The following DTL variants were observed in gnomAD, a reference collection of about 807,000 sequenced individuals.
The protein encoded by DTL is denticleless E3 ubiquitin protein ligase adapter.
A neutral mutation model predicts 87.0 loss-of-function variants in DTL; 46 were observed. The ratio of observed to expected loss-of-function variants is 0.53; its 90% confidence interval spans 0.42 to 0.68. DTL has a LOEUF of 0.68. Ranked by LOEUF, DTL falls within the 30% of genes least tolerant of loss-of-function variation. DTL has a pLI of 0.00. For missense variants in DTL, 737 were observed against 869.4 expected, an observed-to-expected ratio of 0.85 and a Z score of 1.91; for synonymous variants, 308 against 311.2, an observed-to-expected ratio of 0.99 and a Z score of 0.11.
chr1:212,095,306 A>G (rs920006724), intron 13 of DTL, among the ~76,000 whole-genome samples: 19 of 152,050 alleles, frequency 1.2e-4, no homozygotes, highest in African/African-American at 3.6e-4. Flanking sequence ...TCATAAAGGG[A>G]TGCTGGATTT....
At chr1:212,044,175 G>A (rs751579865) in intron 2 of DTL, among the ~76,000 whole-genome samples, 2 of 152,192 alleles carry the variant, frequency 1.3e-5, no homozygotes, top group Admixed American at 6.5e-5. Context: ...GACTCAGCCT[G>A]CTGGCAGCCT....
At chr1:212,069,142 G>A (rs111551046) in intron 10 of DTL, among the ~76,000 whole-genome samples, 3 of 150,936 alleles carry the variant, frequency 2.0e-5, no homozygotes, top group African/African-American at 7.3e-5. Context: ...ATTTCTAGAT[G>A]TTTTCCCCAG....
At chr1:212,095,320 CA>C (rs1655412641) in intron 13 of DTL, among the ~76,000 whole-genome samples, 1 of 152,078 alleles carries the variant, frequency 6.6e-6, no homozygotes, top group African/African-American at 2.4e-5. Context: ...TGGATTTTGT[CA>C]GACGTTTTTT....
At chr1:212,078,997 G>A (rs1262529294) in intron 12 of DTL, among the ~76,000 whole-genome samples, 2 of 151,958 alleles carry the variant, frequency 1.3e-5, no homozygotes, top group South Asian at 2.1e-4. Context: ...CACGTATGAC[G>A]TTTTGAGGTT....
At position 212,076,340 on chromosome 1, in the gene DTL, G is replaced by A. The variant is rs17018452; in HGVS notation, c.1036-1833G>A. On this transcript the variant is annotated intron_variant, in intron 11 of 14. Coordinates refer to ENST00000366991, the MANE Select transcript of DTL (RefSeq NM_016448.4). ...GTGCCTGGCTTAGACTTTTACTGTC[G>A]TCATTGATACCTTGTTAACGTATTC... 9.7e-3 allele frequency among the ~76,000 whole-genome samples: 1,469 copies of A among 152,140 alleles called. 30 individuals are homozygous for A. Among genetic ancestry groups the A allele is most frequent in the African/African-American group, 0.033 (1,374 of 41,512 alleles).
chr1:212,046,725 A>G (rs984108855), intron 3 of DTL, among the ~76,000 whole-genome samples: 4 of 152,154 alleles, frequency 2.6e-5, no homozygotes, highest in Non-Finnish European at 4.4e-5. Context: ...TGTCTTTGCC[A>G]TTGTGAATAA....
At chr1:212,084,405 C>T (rs1167668741) in intron 13 of DTL, among the ~76,000 whole-genome samples, 2 of 151,770 alleles carry the variant, frequency 1.3e-5, no homozygotes, top group Admixed American at 6.6e-5. Context: ...AGGCTGGTCT[C>T]GAACTCCTGA....
chr1:212,053,317 G>T (rs571989532), intron 5 of DTL, among the ~76,000 whole-genome samples: 2 of 152,044 alleles, frequency 1.3e-5, no homozygotes, highest in African/African-American at 4.8e-5. Context: ...GCCCAGATTA[G>T]AGGGCAGTAG....
chr1:212,083,010 G>A (rs959915656), intron 13 of DTL, among the ~76,000 whole-genome samples: 2 of 152,160 alleles, frequency 1.3e-5, no homozygotes, highest in Non-Finnish European at 2.9e-5. Context: ...GATGCAAAGA[G>A]GATGATTATG....
At chr1:212,038,919 T>G (rs1667561995) in intron 1 of DTL, among the ~76,000 whole-genome samples, 1 of 152,246 alleles carries the variant, frequency 6.6e-6, no homozygotes, top group Admixed American at 6.5e-5. Context: ...ACTATAGTGA[T>G]TTGATAATCA....
At chr1:212,058,595 G>A (rs574668117) in intron 5 of DTL, among the ~76,000 whole-genome samples, 37 of 151,958 alleles carry the variant, frequency 2.4e-4, no homozygotes, top group African/African-American at 8.9e-4. Context: ...TACCAAAAAA[G>A]TAGAAAGACT....
intron 7 of DTL, 78 bp from the exon 8 acceptor site, chr1:212,066,734 T>G: frequency 7.1e-7 from 1 of 1,410,016 alleles, no homozygotes; most frequent in South Asian, 1.2e-5. Flanking sequence ...AGAAAAGTCG[T>G]TTTTTAGCAC....
intron 1 of DTL, among the ~76,000 whole-genome samples, chr1:212,042,325 G>T (rs1263177677): frequency 6.6e-6 from 1 of 152,080 alleles, no homozygotes; most frequent in African/African-American, 2.4e-5. Flanking sequence ...TAAATTCAGT[G>T]AAAATTTACC....
intron 13 of DTL, 86 bp from the exon 14 acceptor site, chr1:212,100,166 G>A (rs1039590900): frequency 1.0e-4 from 104 of 1,014,230 alleles, no homozygotes; most frequent in Admixed American, 2.3e-4. Context: ...TAGATGATTA[G>A]GTTAGCTATG....
chr1:212,041,209 G>C (rs1432947306), intron 1 of DTL, among the ~76,000 whole-genome samples: 1 of 152,090 alleles, frequency 6.6e-6, no homozygotes, highest in Non-Finnish European at 1.5e-5. Context: ...TAAGTAGAGG[G>C]GTAGGCAAGG....
In DTL at chr1:212,104,186, C is replaced by G. The variant is rs1229189654; in HGVS notation, c.*1246C>G. On this transcript the variant is annotated 3_prime_UTR_variant, in exon 15 of 15. Transcript: ENST00000366991. Reference sequence around the variant, plus strand: ...TTACATACTTTCTATGTACTATTTACTTAGAAGGGAGCCCCCTTCCAGTCA... The same window carrying G: ...TTACATACTTTCTATGTACTATTTAGTTAGAAGGGAGCCCCCTTCCAGTCA... 4 of 151,868 alleles carry G rather than the reference C, an allele frequency of 2.6e-5. No homozygotes were observed. The East Asian group carries it at 7.7e-4, about 29-fold the overall frequency. The allele number at this position is 151,868 out of a possible 1,614,324, so 9.4% of individuals were successfully genotyped here. A position where few individuals can be genotyped will look rare whatever the true frequency, so the allele number is the denominator to read the frequency against.
At chr1:212,047,500 C>A in intron 5 of DTL, 83 bp downstream of exon 5, 3 of 1,550,976 alleles carry the variant, frequency 1.9e-6, no homozygotes, top group South Asian at 1.2e-5. Context: ...TCTACCCTTT[C>A]CCCTGTCAAA....
At chr1:212,043,839 A>T (rs1179266801) in intron 2 of DTL, among the ~76,000 whole-genome samples, 1 of 151,858 alleles carries the variant, frequency 6.6e-6, no homozygotes, top group Admixed American at 6.6e-5. Context: ...AAAAAAAAAA[A>T]AAAAAAAGAA....
chr1:212,099,590 A>G (rs1655552629), intron 13 of DTL: 1 of 152,378 alleles, frequency 6.6e-6, no homozygotes, highest in Non-Finnish European at 1.5e-5. Flanking sequence ...AGGGGAGCAC[A>G]TTTACTCGTA....
Sources: gnomAD v4.1 joint callset for allele counts (sites outside exome capture counted in the v4.1 genomes callset) on GRCh38, gnomAD v4.1.1 for gene constraint, MANE v1.5 for transcripts, NCBI Gene and HGNC (gene_info 2026-07-23, HGNC 2026-07-21) for gene names.